RIMS2: variants seen among roughly 807,000 people sequenced by gnomAD.
The protein encoded by RIMS2 is regulating synaptic membrane exocytosis protein 2.
In RIMS2, 59 loss-of-function variants were observed where a neutral mutation model predicts 174.4. The observed-to-expected ratio is 0.34, with a 90% CI of 0.27 to 0.42. The LOEUF (loss-of-function observed/expected upper bound fraction) is 0.42. Among genes scored for constraint, RIMS2 ranks in the 10% least tolerant of loss-of-function variants. The pLI, the probability that RIMS2 is intolerant of heterozygous loss-of-function variation, is 1.00. For missense variants in RIMS2, 1,620 were observed against 1,666.3 expected, an observed-to-expected ratio of 0.97 and a Z score of 0.48; for synonymous variants, 606 against 572.5, an observed-to-expected ratio of 1.06 and a Z score of -0.84.
intron 1 of RIMS2, among the ~76,000 whole-genome samples, chr8:103,504,847 T>A (rs1233584650): frequency 4.3e-5 from 1 of 23,458 alleles, no homozygotes; most frequent in Non-Finnish European, 6.9e-5. Context: ...TCTTTCTTTC[T>A]TTTTTTTTTT....
intron 2 of RIMS2, among the ~76,000 whole-genome samples, chr8:103,698,565 C>T (rs901419756): frequency 2.6e-5 from 4 of 151,988 alleles, no homozygotes; most frequent in African/African-American, 9.7e-5. Context: ...TATGTTAAAT[C>T]AGCTTTGTAT....
At chr8:103,724,300 C>G (rs1465771275) in intron 2 of RIMS2, among the ~76,000 whole-genome samples, 1 of 152,130 alleles carries the variant, frequency 6.6e-6, no homozygotes, top group African/African-American at 2.4e-5. Context: ...AAATCCTACT[C>G]TGCCATCTTC....
chr8:104,175,376 G>A lies in RIMS2; in HGVS notation c.3335-69540G>A, dbSNP rs74373190. On this transcript the variant is annotated intron_variant, in intron 19 of 23. Coordinates refer to ENST00000504942, the Ensembl canonical transcript of RIMS2. Reference sequence around the variant, plus strand: ...ACTCGAGGTATTTATTTTGATACAGGCATATAATATGTAACAATCATATCA... The same window carrying A: ...ACTCGAGGTATTTATTTTGATACAGACATATAATATGTAACAATCATATCA... Among the ~76,000 whole-genome samples the A allele has an allele frequency of 3.7e-3, 562 of 151,876 alleles. 2 individuals carry two copies. The highest frequency in any genetic ancestry group is 0.012 in the African/African-American group (517 of 41,404).
chr8:103,542,621 C>T (rs889450073), intron 1 of RIMS2, among the ~76,000 whole-genome samples: 2 of 152,174 alleles, frequency 1.3e-5, no homozygotes, highest in African/African-American at 4.8e-5. Context: ...CAGAAATCCT[C>T]AATGAAATAC....
At chr8:103,587,979 G>T (rs2094050782) in intron 1 of RIMS2, among the ~76,000 whole-genome samples, 2 of 151,980 alleles carry the variant, frequency 1.3e-5, no homozygotes, top group African/African-American at 2.4e-5. Context: ...CTTGTTTACA[G>T]ATGACATAAC....
At chr8:103,975,287 A>C in intron 15 of RIMS2, 63 bp from the exon 18 acceptor site, 1 of 1,109,962 alleles carries the variant, frequency 9.0e-7, no homozygotes, top group East Asian at 2.6e-5. Flanking sequence ...TGAGTAAAGT[A>C]GAAGAGACGC....
chr8:103,536,888 G>A (rs1418871678), intron 1 of RIMS2, among the ~76,000 whole-genome samples: 1 of 152,152 alleles, frequency 6.6e-6, no homozygotes, highest in African/African-American at 2.4e-5. Context: ...TTTTTGGATT[G>A]TAAATTTAAA....
chr8:103,556,805 G>T lies in RIMS2; in HGVS notation c.176+55743G>T, dbSNP rs372782657. ...GAAAAAAAATACTGATAAGGGTTAG[G>T]TTCCCAGGGTTAACCCAAAAACCTA... is the stretch of plus-strand genomic sequence containing the variant. On this transcript the variant is annotated intron_variant, in intron 1 of 23. Transcript: ENST00000504942. Among the ~76,000 whole-genome samples, 190 of 152,182 alleles carry T rather than the reference G, an allele frequency of 1.2e-3. No homozygotes were observed. The Middle Eastern group carries it at 0.058, about 46-fold the overall frequency.
chr8:104,207,384 G>C (rs2099085287), intron 19 of RIMS2, among the ~76,000 whole-genome samples: 1 of 152,160 alleles, frequency 6.6e-6, no homozygotes, highest in African/African-American at 2.4e-5. Flanking sequence ...TGTAGATGGA[G>C]TAGAATAATA....
At chr8:104,007,422 T>A (rs944709165) in intron 17 of RIMS2, among the ~76,000 whole-genome samples, 1 of 152,172 alleles carries the variant, frequency 6.6e-6, no homozygotes, top group Admixed American at 6.6e-5. Context: ...TAACTAGACA[T>A]TAAAAATTGT....
chr8:103,844,332 G>T (rs2098956671), intron 3 of RIMS2, among the ~76,000 whole-genome samples: 1 of 152,126 alleles, frequency 6.6e-6, no homozygotes, highest in Admixed American at 6.5e-5. Flanking sequence ...GCAGCCTCTA[G>T]TCCCTTGTAT....
chr8:103,647,404 G>T (rs2096360413), intron 1 of RIMS2, among the ~76,000 whole-genome samples: 1 of 151,542 alleles, frequency 6.6e-6, no homozygotes, highest in Non-Finnish European at 1.5e-5. Flanking sequence ...TTGTATCTGT[G>T]CCAGGTTTTG....
In RIMS2 at chr8:104,220,796, G is replaced by A. The variant is rs149927648; in HGVS notation, c.3335-24120G>A. On this transcript the variant is annotated intron_variant, in intron 19 of 23. Transcript: ENST00000504942. ...TTTACTGTTAACTTTTTCTGGAGAT[G>A]AGGTTTCACTATGTTGCCCAGGCTG... is the stretch of plus-strand genomic sequence containing the variant. Among the ~76,000 whole-genome samples, 326 of 152,066 alleles carry A rather than the reference G, an allele frequency of 2.1e-3. 2 individuals are homozygous for A. Among genetic ancestry groups the A allele is most frequent in the African/African-American group, 7.4e-3 (305 of 41,488 alleles).
intron 19 of RIMS2, among the ~76,000 whole-genome samples, chr8:104,173,554 C>T (rs1207045787): frequency 8.0e-6 from 1 of 125,186 alleles, no homozygotes; most frequent in Non-Finnish European, 1.7e-5. Context: ...TTTTATAGAA[C>T]AAAGAAAAAA....
At chr8:103,985,746 A>G (rs1323345688) in intron 16 of RIMS2, among the ~76,000 whole-genome samples, 1 of 152,186 alleles carries the variant, frequency 6.6e-6, no homozygotes, top group Non-Finnish European at 1.5e-5. Flanking sequence ...ATGTACAGGT[A>G]ATAAAAATGT....
At chr8:104,131,693 G>T (rs1461214592) in intron 19 of RIMS2, among the ~76,000 whole-genome samples, 1 of 151,488 alleles carries the variant, frequency 6.6e-6, no homozygotes, top group Non-Finnish European at 1.5e-5. Flanking sequence ...GTGGAGGAGA[G>T]AAAATTGAAT....
intron 3 of RIMS2, among the ~76,000 whole-genome samples, chr8:103,852,258 G>A (rs1039225467): frequency 1.3e-5 from 2 of 151,928 alleles, no homozygotes; most frequent in African/African-American, 4.8e-5. Flanking sequence ...AGATATAATA[G>A]TGATGGACTC....
chr8:103,749,337 C>T (rs1419576080), intron 2 of RIMS2, among the ~76,000 whole-genome samples: 2 of 151,894 alleles, frequency 1.3e-5, no homozygotes, highest in African/African-American at 4.8e-5. Context: ...TGGTCTCGAT[C>T]TCCTGACCTC....
rs181240055 is a variant in RIMS2, at chr8:103,748,593, A to G, written c.388-17634A>G. ...CTGCAAGGTCGTTCTGGTGATTTCCATATCACCAAATTTCATTACTATTTC... is the reference window on the plus strand; with the variant it reads ...CTGCAAGGTCGTTCTGGTGATTTCCGTATCACCAAATTTCATTACTATTTC... On this transcript the variant is annotated intron_variant, in intron 2 of 23. Transcript: ENST00000504942. 5.9e-5 allele frequency among the ~76,000 whole-genome samples: 9 copies of G among 152,244 alleles called. No individual in the cohort carries two copies. In the East Asian group the frequency reaches 9.6e-4, roughly 16 times the overall value.
Sources: gnomAD v4.1 joint callset for allele counts (sites outside exome capture counted in the v4.1 genomes callset) on GRCh38, gnomAD v4.1.1 for gene constraint, MANE v1.5 for transcripts, NCBI Gene and HGNC (gene_info 2026-07-23, HGNC 2026-07-21) for gene names.